DSCAM: variants seen among roughly 807,000 people sequenced by gnomAD.
DSCAM encodes the protein DS cell adhesion molecule.
Under a neutral mutation model 217.7 loss-of-function variants are expected in DSCAM, and 47 were observed. The ratio of observed to expected loss-of-function variants is 0.22; its 90% confidence interval spans 0.17 to 0.28. The LOEUF (loss-of-function observed/expected upper bound fraction) is 0.28. Ranked by LOEUF, DSCAM falls within the 10% of genes least tolerant of loss-of-function variation. The pLI, the probability that DSCAM is intolerant of heterozygous loss-of-function variation, is 1.00. For synonymous variants in DSCAM, 1,056 were observed against 1,015.3 expected (o/e 1.04, Z -0.76); for missense variants, 2,080 against 2,618.3 (o/e 0.79, Z 4.49).
At chr21:40,533,418 C>T (rs373327331) in intron 3 of DSCAM, among the ~76,000 whole-genome samples, 2 of 146,438 alleles carry the variant, frequency 1.4e-5, no homozygotes, top group African/African-American at 5.4e-5. Context: ...ATGAATCCAC[C>T]TATCTATTTC....
chr21:40,460,943 A>G (rs58361771), intron 3 of DSCAM, among the ~76,000 whole-genome samples: 1 of 152,214 alleles, frequency 6.6e-6, no homozygotes, highest in Non-Finnish European at 1.5e-5. Context: ...CAGAAGACTC[A>G]CTTCTAGGAA....
intron 3 of DSCAM, among the ~76,000 whole-genome samples, chr21:40,652,927 G>A (rs991491181): frequency 6.6e-6 from 1 of 152,144 alleles, no homozygotes; most frequent in African/African-American, 2.4e-5. Context: ...TAAGTCATCT[G>A]AGCACTCTAT....
chr21:40,398,831 G>T (rs1483216361), intron 3 of DSCAM, among the ~76,000 whole-genome samples: 1 of 151,882 alleles, frequency 6.6e-6, no homozygotes, highest in East Asian at 1.9e-4. Context: ...GACGGGATCT[G>T]CCCACCTCTG....
intron 3 of DSCAM, among the ~76,000 whole-genome samples, chr21:40,612,155 C>T (rs759249773): frequency 1.3e-5 from 2 of 152,138 alleles, no homozygotes; most frequent in African/African-American, 2.4e-5. Context: ...TGACATGATC[C>T]AACACGATTT....
At chr21:40,231,150 C>T (rs371457925) in intron 11 of DSCAM, among the ~76,000 whole-genome samples, 87 of 142,880 alleles carry the variant, frequency 6.1e-4, no homozygotes, top group African/African-American at 2.0e-3. Flanking sequence ...TTTAAATTTT[C>T]CGTGGAGAGT....
chr21:40,748,951 T>C (rs9976793), intron 1 of DSCAM, among the ~76,000 whole-genome samples: 129,433 of 152,106 alleles, frequency 0.85, 55,489 homozygotes, highest in African/African-American at 0.94. Flanking sequence ...AAATGATTTT[T>C]AACAAAGGCA....
chr21:40,680,019 A>C (rs1390418873), intron 3 of DSCAM, among the ~76,000 whole-genome samples: 1 of 152,148 alleles, frequency 6.6e-6, no homozygotes, highest in Non-Finnish European at 1.5e-5. Context: ...AATAATAATA[A>C]GAAGAAGAAG....
intron 3 of DSCAM, among the ~76,000 whole-genome samples, chr21:40,489,801 A>AAG (rs2076061607): frequency 2.7e-5 from 4 of 149,844 alleles, no homozygotes; most frequent in Non-Finnish European, 5.9e-5. Context: ...AAAAAAAAAA[A>AAG]TAAGTACCAT....
At chr21:40,044,608 A>G (rs2088813575) in intron 30 of DSCAM, among the ~76,000 whole-genome samples, 1 of 152,218 alleles carries the variant, frequency 6.6e-6, no homozygotes, top group South Asian at 2.1e-4. Flanking sequence ...GAGACTGACA[A>G]CAATTACAGG....
At chr21:40,278,338 T>C (rs12481821) in intron 10 of DSCAM, among the ~76,000 whole-genome samples, 50,028 of 152,030 alleles carry the variant, frequency 0.33, 8,560 homozygotes, top group South Asian at 0.38. Context: ...ATTTTAAATT[T>C]AGCAGGTCAT....
intron 3 of DSCAM, among the ~76,000 whole-genome samples, chr21:40,508,759 ATATATATATATATATATATATATATTTT>A (rs1234973467): frequency 0.075 from 427 of 5,664 alleles, 10 homozygotes; most frequent in African/African-American, 0.2. Context: ...ATATATATAT[ATATATATATATATATATATATATATTTT>A]TTTTTTTTTT....
At chr21:40,031,781 G>C (rs1435866618) in intron 32 of DSCAM, among the ~76,000 whole-genome samples, 1 of 152,136 alleles carries the variant, frequency 6.6e-6, no homozygotes, top group Admixed American at 6.5e-5. Context: ...GCTGGCACCA[G>C]GGCCTAAGGC....
intron 1 of DSCAM, among the ~76,000 whole-genome samples, chr21:40,769,135 C>T (rs570367748): frequency 1.3e-5 from 2 of 152,184 alleles, no homozygotes; most frequent in Admixed American, 6.5e-5. Flanking sequence ...CTTCCCAAGG[C>T]TATAAGTGGC....
intron 11 of DSCAM, among the ~76,000 whole-genome samples, chr21:40,250,823 A>G (rs2073293603): frequency 6.6e-6 from 1 of 152,244 alleles, no homozygotes; most frequent in South Asian, 2.1e-4. Flanking sequence ...ATAAAGGGCT[A>G]CCTTGGCAAG....
intron 3 of DSCAM, among the ~76,000 whole-genome samples, chr21:40,667,571 G>A (rs1353894102): frequency 1.3e-5 from 2 of 152,216 alleles, no homozygotes; most frequent in South Asian, 2.1e-4. Context: ...ATCTCATCTT[G>A]TAGTTCCCAT....
At chr21:40,085,327 TTTTAGAC>T (rs2089517429) in intron 23 of DSCAM, among the ~76,000 whole-genome samples, 1 of 152,212 alleles carries the variant, frequency 6.6e-6, no homozygotes, top group Non-Finnish European at 1.5e-5. Context: ...AGAAGGACTT[TTTTAGAC>T]ATGTACACAT....
intron 3 of DSCAM, among the ~76,000 whole-genome samples, chr21:40,510,440 A>G (rs527515665): frequency 6.6e-6 from 1 of 152,330 alleles, no homozygotes; most frequent in South Asian, 2.1e-4. Flanking sequence ...TTGTTGACCA[A>G]AATTAAGACT....
Position 40,493,879 on chromosome 21 carries a change from A to AATATAT in DSCAM, c.509-124640_509-124635dup, listed in dbSNP as rs1555845574. 1.8e-4 allele frequency among the ~76,000 whole-genome samples: 25 copies of AATATAT among 135,542 alleles called. No homozygotes were observed. The East Asian group carries it at 4.6e-3, about 25-fold the overall frequency. The allele number at this position is 135,542 out of a possible 152,430, so 88.9% of individuals were successfully genotyped here. On this transcript the variant is annotated intron_variant, in intron 3 of 32. Coordinates refer to ENST00000400454, the MANE Select transcript of DSCAM (RefSeq NM_001389.5). ...ACTCCATCTCAAAAAAAAAAAAAAA[A>AATATAT]ATATATACATATATATACATATATA...
chr21:40,607,157 C>T (rs2089250517), intron 3 of DSCAM, among the ~76,000 whole-genome samples: 1 of 152,178 alleles, frequency 6.6e-6, no homozygotes, highest in Non-Finnish European at 1.5e-5. Flanking sequence ...TGTTTACATT[C>T]TTACATACCT....
Sources: gnomAD v4.1 joint callset for allele counts (sites outside exome capture counted in the v4.1 genomes callset) on GRCh38, gnomAD v4.1.1 for gene constraint, MANE v1.5 for transcripts, NCBI Gene and HGNC (gene_info 2026-07-23, HGNC 2026-07-21) for gene names.